Variants in KCNQ1 observed in about 807,000 individuals in gnomAD.
KCNQ1 encodes potassium voltage-gated channel subfamily Q member 1.
In KCNQ1, 49 loss-of-function variants were observed where a neutral mutation model predicts 72.4. The observed-to-expected ratio is 0.68, with a 90% CI of 0.54 to 0.86. The LOEUF is 0.86. KCNQ1 is among the 40% of genes least tolerant of loss of function. The probability of loss-of-function intolerance (pLI) is 0.00; values close to 1 mark genes in which losing one functional copy is unlikely to be tolerated. For synonymous variants in KCNQ1, 450 were observed against 412.6 expected (o/e 1.09, Z -1.10); for missense variants, 790 against 945.1 (o/e 0.84, Z 2.15).
intron 1 of KCNQ1, among the ~76,000 whole-genome samples, chr11:2,485,428 C>T (rs756546167): frequency 2.7e-5 from 4 of 149,198 alleles, no homozygotes; most frequent in Admixed American, 6.8e-5. Flanking sequence ...GCAGGCCTCT[C>T]GCACAGATGA....
intron 2 of KCNQ1, among the ~76,000 whole-genome samples, chr11:2,557,224 A>C (rs561992857): frequency 6.6e-6 from 1 of 152,246 alleles, no homozygotes; most frequent in East Asian, 1.9e-4. Context: ...GACAAGTGTG[A>C]ATGAGATCAG....
chr11:2,811,253 G>T (rs568581953), intron 15 of KCNQ1, among the ~76,000 whole-genome samples: 2 of 151,936 alleles, frequency 1.3e-5, no homozygotes, highest in African/African-American at 4.8e-5. Context: ...GGCTTCCCTG[G>T]CTCATTGTCC....
At chr11:2,496,756 T>C (rs968258657) in intron 1 of KCNQ1, among the ~76,000 whole-genome samples, 3 of 152,098 alleles carry the variant, frequency 2.0e-5, no homozygotes, top group Non-Finnish European at 4.4e-5. Context: ...TGCACATTAG[T>C]TGATGCAGTT....
intron 15 of KCNQ1, among the ~76,000 whole-genome samples, chr11:2,804,143 A>C (rs995161812): frequency 6.6e-6 from 1 of 152,094 alleles, no homozygotes; most frequent in African/African-American, 2.4e-5. Context: ...ATTAGAAGAT[A>C]CAGAGGCAGC....
intron 11 of KCNQ1, among the ~76,000 whole-genome samples, chr11:2,702,641 T>G (rs1166252644): frequency 1.3e-5 from 2 of 152,210 alleles, no homozygotes; most frequent in Non-Finnish European, 2.9e-5. Context: ...GCCTCCACCC[T>G]CTACCTAACC....
rs901385071 is a variant in KCNQ1 at position 2,478,201 on chromosome 11, G to A, written c.386+32717G>A. Among the ~76,000 whole-genome samples the A allele has an allele frequency of 6.6e-6, 1 of 152,198 alleles. No homozygotes were observed. The highest frequency in any genetic ancestry group is 6.5e-5 in the Admixed American group (1 of 15,282). ...ACCCACATGGAGGGAGACACACACA[G>A]TGGCCTGAATACTTTGAAAATGCCA... is the stretch of plus-strand genomic sequence containing the variant. On this transcript the variant is annotated intron_variant, in intron 1 of 15. Transcript: ENST00000155840. This position sits in a 1 kb window ranked among gnomAD's most constrained non-coding sequence, Gnocchi z 4.0.
intron 15 of KCNQ1, among the ~76,000 whole-genome samples, chr11:2,812,839 C>T (rs925150228): frequency 1.2e-4 from 19 of 152,246 alleles, no homozygotes; most frequent in African/African-American, 4.6e-4. Flanking sequence ...GGGCTTCCGC[C>T]TCAAGGCCTC....
rs1554895871 is a variant in KCNQ1 at position 2,595,695 on chromosome 11, T to TACA, written c.1393+6843_1393+6845dup. Among the ~76,000 whole-genome samples, 3 of 131,214 alleles carry TACA rather than the reference T, an allele frequency of 2.3e-5. No homozygotes were observed. The East Asian group carries it at 6.6e-4, about 29-fold the overall frequency. The allele number at this position is 131,214 out of a possible 152,430, so 86.1% of individuals were successfully genotyped here. ...TCATCCAAGACCTCTGATGGAGATG[T>TACA]ACAAGATTAGTGTTGTTCTTATGGC... On this transcript the variant is annotated intron_variant, in intron 10 of 15. Coordinates refer to ENST00000155840, the MANE Select transcript of KCNQ1 (RefSeq NM_000218.3). This position sits in a 1 kb window ranked among gnomAD's most constrained non-coding sequence, Gnocchi z 5.0.
At chr11:2,731,837 G>A (rs917185651) in intron 11 of KCNQ1, among the ~76,000 whole-genome samples, 7 of 152,234 alleles carry the variant, frequency 4.6e-5, no homozygotes, top group East Asian at 1.9e-4. Context: ...CAGCTAGAGC[G>A]TCTGATCACA....
rs1849090182 is a variant in KCNQ1 at position 2,617,693 on chromosome 11, T to A, written c.1393+28839T>A. ...CAGTCCCACCAACACTGTACAAGAG[T>A]TCCCTAACCCTAGCCAACACTTAAT... is the stretch of plus-strand genomic sequence containing the variant. On this transcript the variant is annotated intron_variant, in intron 10 of 15. Coordinates refer to ENST00000155840, the MANE Select transcript of KCNQ1 (RefSeq NM_000218.3). The surrounding 1 kb of genome is among the most constrained non-coding windows in gnomAD (Gnocchi z 4.6). The A allele has an allele frequency of 2.5e-6, 1 of 398,268 alleles. No homozygotes were observed. The highest frequency in any genetic ancestry group is 2.1e-5 in the African/African-American group (1 of 48,568). 24.7% of individuals were successfully genotyped at this position (398,268 alleles called of 1,614,324 possible).
chr11:2,580,607 GC>G (rs1019728476), intron 6 of KCNQ1, among the ~76,000 whole-genome samples: 1 of 152,176 alleles, frequency 6.6e-6, no homozygotes, highest in Admixed American at 6.5e-5. Context: ...GCCTGTTAGT[GC>G]CCCCCAGCCA....
Position 2,508,455 on chromosome 11 carries a change from A to G in KCNQ1, c.387-19473A>G, listed in dbSNP as rs1847141278. On this transcript the variant is annotated intron_variant, in intron 1 of 15. Coordinates refer to ENST00000155840, the MANE Select transcript of KCNQ1 (RefSeq NM_000218.3). The surrounding 1 kb of genome is among the most constrained non-coding windows in gnomAD (Gnocchi z 6.2). ...AGCTCCCGAGGCCTGGCTGCTCTGC[A>G]TGGGGAGGAGTGTGGGTCCTGAGTG... 6.6e-6 allele frequency among the ~76,000 whole-genome samples: 1 copy of G among 152,100 alleles called. No individual in the cohort carries two copies. The highest frequency in any genetic ancestry group is 2.4e-5 in the African/African-American group (1 of 41,420).
intron 11 of KCNQ1, chr11:2,667,806 C>T (rs968429914): frequency 5.0e-6 from 2 of 398,546 alleles, no homozygotes; most frequent in African/African-American, 4.1e-5. Context: ...ACCTGGGCTA[C>T]CCTGGTATAG....
Position 2,564,045 on chromosome 11 carries a change from C to T in KCNQ1, c.478-6583C>T, listed in dbSNP as rs1437519363. Among the ~76,000 whole-genome samples the T allele has an allele frequency of 6.6e-6, 1 of 152,204 alleles. No homozygotes were observed. Among genetic ancestry groups the T allele is most frequent in the Non-Finnish European group, 1.5e-5 (1 of 68,026 alleles). The stretch of plus-strand genomic sequence containing the variant: ...GACCCGCGGGAGCCCAGGTGAGCAA[C>T]CGCCACGGGCCAGGGCCCCTCGAGG... On this transcript the variant is annotated intron_variant, in intron 2 of 15. Transcript: ENST00000155840. The surrounding 1 kb of genome is among the most constrained non-coding windows in gnomAD (Gnocchi z 4.5).
Position 2,725,169 on chromosome 11 carries a change from G to A in KCNQ1, c.1515-43675G>A, listed in dbSNP as rs979175472. ...GGTGGGGCAGGCACGGATTCCTGAC[G>A]TGGAGACAGGAGGAAGCCGACGGCC... On this transcript the variant is annotated intron_variant, in intron 11 of 15. Coordinates refer to ENST00000155840, the MANE Select transcript of KCNQ1 (RefSeq NM_000218.3). The surrounding 1 kb of genome is among the most constrained non-coding windows in gnomAD (Gnocchi z 7.2). 3.3e-5 allele frequency among the ~76,000 whole-genome samples: 5 copies of A among 152,228 alleles called. No individual in the cohort carries two copies. Among genetic ancestry groups the A allele is most frequent in the Admixed American group, 6.5e-5 (1 of 15,288 alleles).
chr11:2,615,233 TTAAAA>T (rs1849042066), intron 10 of KCNQ1: 3 of 398,048 alleles, frequency 7.5e-6, no homozygotes, highest in Non-Finnish European at 8.9e-6. Flanking sequence ...AATGATTTTC[TTAAAA>T]TAAATGTTGA....
intron 15 of KCNQ1, among the ~76,000 whole-genome samples, chr11:2,780,338 C>A (rs1016969727): frequency 6.6e-6 from 1 of 152,208 alleles, no homozygotes; most frequent in Non-Finnish European, 1.5e-5. Flanking sequence ...GTGCAGCCAT[C>A]GGGACCGTAA....
Position 2,617,618 on chromosome 11 carries a change from AT to A in KCNQ1, c.1393+28767del, listed in dbSNP as rs1369350584. The A allele has an allele frequency of 2.5e-6, 1 of 398,320 alleles. No individual in the cohort carries two copies. The highest frequency in any genetic ancestry group is 2.1e-5 in the African/African-American group (1 of 48,606). 24.7% of individuals were successfully genotyped at this position (398,320 alleles called of 1,614,324 possible). ...TGGGTCAGATGATAGTATATTTTCAATTTCTTTAGGAGCCACCATTCTGTTT... is the reference window on the plus strand; with the variant it reads ...TGGGTCAGATGATAGTATATTTTCAATTCTTTAGGAGCCACCATTCTGTTT... On this transcript the variant is annotated intron_variant, in intron 10 of 15. Coordinates refer to ENST00000155840, the MANE Select transcript of KCNQ1 (RefSeq NM_000218.3). The surrounding 1 kb of genome is among the most constrained non-coding windows in gnomAD (Gnocchi z 4.6).
chr11:2,585,969 C>T (rs999220187), intron 8 of KCNQ1, among the ~76,000 whole-genome samples: 2 of 152,204 alleles, frequency 1.3e-5, no homozygotes, highest in Non-Finnish European at 2.9e-5. Context: ...GCTCTGTTAA[C>T]GTAAGCAAGG....
Sources: allele counts gnomAD v4.1 joint callset (sites outside exome capture counted in the v4.1 genomes callset), GRCh38; gene constraint gnomAD v4.1.1; non-coding constraint Gnocchi (gnomAD v3.1); transcripts MANE v1.5; gene names NCBI Gene and HGNC (gene_info 2026-07-23, HGNC 2026-07-21).